PHKB: variants seen among roughly 807,000 people sequenced by gnomAD.
The protein encoded by PHKB is phosphorylase kinase regulatory subunit beta.
A neutral mutation model predicts 152.1 loss-of-function variants in PHKB; 122 were observed. That is an observed-to-expected ratio of 0.80 (90% confidence interval 0.69 to 0.93). The LOEUF is 0.93. Ranked by LOEUF, PHKB falls within the 40% of genes least tolerant of loss-of-function variation. PHKB has a pLI of 0.00. For missense variants in PHKB, 1,304 were observed against 1,328.4 expected, an observed-to-expected ratio of 0.98 and a Z score of 0.29; for synonymous variants, 436 against 464.9, an observed-to-expected ratio of 0.94 and a Z score of 0.80.
intron 2 of PHKB, among the ~76,000 whole-genome samples, chr16:47,499,284 C>T (rs372335808): frequency 5.3e-5 from 8 of 152,212 alleles, no homozygotes; most frequent in African/African-American, 1.2e-4. Flanking sequence ...ATCTTCCCCT[C>T]GCCCTTCCTA....
At chr16:47,696,575 C>T in intron 29 of PHKB, 87 bp downstream of exon 29, 1 of 791,552 alleles carries the variant, frequency 1.3e-6, no homozygotes, top group Non-Finnish European at 2.3e-6. Context: ...CTATGAGACC[C>T]AGAATCCTAT....
intron 14 of PHKB, among the ~76,000 whole-genome samples, chr16:47,619,751 G>GT (rs1972584718): frequency 6.6e-6 from 1 of 152,224 alleles, no homozygotes; most frequent in African/African-American, 2.4e-5. Context: ...CTTGAAGAGT[G>GT]TTTGTTTCCA....
At chr16:47,500,247 T>A (rs1970302948) in intron 3 of PHKB, among the ~76,000 whole-genome samples, 1 of 152,148 alleles carries the variant, frequency 6.6e-6, no homozygotes, top group African/African-American at 2.4e-5. Flanking sequence ...TTGGCCAGGC[T>A]GGTCTCGAAA....
chr16:47,464,518 C>T (rs553223493), intron 1 of PHKB, among the ~76,000 whole-genome samples: 9 of 152,246 alleles, frequency 5.9e-5, no homozygotes, highest in Non-Finnish European at 1.2e-4. Context: ...CAGATGTTGG[C>T]ACAATGGCTC....
intron 7 of PHKB, among the ~76,000 whole-genome samples, chr16:47,553,540 G>T (rs966304151): frequency 1.3e-5 from 2 of 152,058 alleles, no homozygotes; most frequent in Non-Finnish European, 2.9e-5. Context: ...ACTTCTGTCA[G>T]TTCATCAAAC....
intron 14 of PHKB, among the ~76,000 whole-genome samples, chr16:47,635,280 G>A (rs1366512768): frequency 1.3e-5 from 2 of 152,128 alleles, no homozygotes; most frequent in South Asian, 4.1e-4. Context: ...TGTTGGATAA[G>A]TTTTTTAACC....
At chr16:47,531,732 G>A (rs1012222635) in intron 6 of PHKB, among the ~76,000 whole-genome samples, 1 of 152,124 alleles carries the variant, frequency 6.6e-6, no homozygotes, top group East Asian at 1.9e-4. Flanking sequence ...CTCATGTTAC[G>A]TTTGTGAGAC....
At position 47,587,707 on chromosome 16, in the gene PHKB, C is replaced by G; in HGVS notation, c.814C>G (p.His272Asp). 1 of 1,613,744 alleles carries G rather than the reference C, an allele frequency of 6.2e-7. No homozygotes were observed. The highest frequency in any genetic ancestry group is 8.5e-7 in the Non-Finnish European group (1 of 1,179,734). Residue 272 changes from histidine (H) to aspartate (D), a missense_variant, in exon 9 of 31, where the codon CAC (histidine) becomes GAC (aspartate). Coordinates refer to ENST00000323584, the MANE Select transcript of PHKB (RefSeq NM_000293.3). Reference protein sequence around the residue: ...WSVIFVDLDAHNRNRQTLCSL... With the variant: ...WSVIFVDLDADNRNRQTLCSL... ...AGTTATATTTGTGGATCTCGATGCT[C>G]ACAATCGCAACAGGCAAACTTTGTG...
At chr16:47,574,311 G>A (rs938501389) in intron 7 of PHKB, among the ~76,000 whole-genome samples, 2 of 152,198 alleles carry the variant, frequency 1.3e-5, no homozygotes, top group Admixed American at 1.3e-4. Flanking sequence ...CAGTGTCAAT[G>A]TGTAATCATG....
At chr16:47,698,408 A>G (rs1004611259) in intron 29 of PHKB, 40 bp from the exon 30 acceptor site, 19 of 1,492,654 alleles carry the variant, frequency 1.3e-5, no homozygotes, top group Admixed American at 1.7e-5. Flanking sequence ...TGTCACTATT[A>G]TGGTTCATAT....
chr16:47,633,891 C>T (rs1257452313), intron 14 of PHKB, among the ~76,000 whole-genome samples: 1 of 152,192 alleles, frequency 6.6e-6, no homozygotes, highest in Non-Finnish European at 1.5e-5. Context: ...TTTCTTCATG[C>T]ATTCAAGAAA....
intron 10 of PHKB, among the ~76,000 whole-genome samples, chr16:47,592,328 A>G (rs533684678): frequency 6.6e-6 from 1 of 152,230 alleles, no homozygotes; most frequent in Non-Finnish European, 1.5e-5. Flanking sequence ...AGTCTTAGCT[A>G]CTTAGCATGA....
At chr16:47,580,078 T>G (rs1001500610) in intron 7 of PHKB, among the ~76,000 whole-genome samples, 1 of 152,116 alleles carries the variant, frequency 6.6e-6, no homozygotes, top group Non-Finnish European at 1.5e-5. Flanking sequence ...TAGATCAAGG[T>G]GAACCTAGAA....
chr16:47,477,087 T>G (rs751661757), intron 1 of PHKB, among the ~76,000 whole-genome samples: 2 of 152,178 alleles, frequency 1.3e-5, no homozygotes, highest in Non-Finnish European at 2.9e-5. Flanking sequence ...CTTGGTGCAC[T>G]CCATAATCTT....
intron 13 of PHKB, 82 bp from the exon 14 acceptor site, chr16:47,610,744 G>T: frequency 1.3e-6 from 1 of 784,866 alleles, no homozygotes; most frequent in Non-Finnish European, 2.3e-6. Flanking sequence ...TTCTCTTGTT[G>T]GAGTATTTTC....
chr16:47,537,884 C>G (rs1286192559), intron 6 of PHKB, among the ~76,000 whole-genome samples: 2 of 148,124 alleles, frequency 1.4e-5, no homozygotes, highest in Non-Finnish European at 2.9e-5. Flanking sequence ...CTCTCTCTCT[C>G]TCTCTCTCTC....
chr16:47,569,596 A>G (rs979649998), intron 7 of PHKB, among the ~76,000 whole-genome samples: 1 of 152,126 alleles, frequency 6.6e-6, no homozygotes. Flanking sequence ...TATTGTTATA[A>G]GCCCTTTCAT....
chr16:47,604,250 G>T (rs898206387), intron 13 of PHKB, among the ~76,000 whole-genome samples: 2 of 151,984 alleles, frequency 1.3e-5, no homozygotes, highest in African/African-American at 4.8e-5. Context: ...AAACCTCTCT[G>T]ATATTTTCCT....
At chr16:47,651,803 G>C (rs1437313380) in intron 20 of PHKB, among the ~76,000 whole-genome samples, 2 of 151,986 alleles carry the variant, frequency 1.3e-5, no homozygotes, top group Non-Finnish European at 2.9e-5. Context: ...ATTGTATTTT[G>C]CATACTTGAT....
Sources: allele counts gnomAD v4.1 joint callset (sites outside exome capture counted in the v4.1 genomes callset), GRCh38; gene constraint gnomAD v4.1.1; transcripts MANE v1.5; gene names NCBI Gene and HGNC (gene_info 2026-07-23, HGNC 2026-07-21).